ZFAT: variants seen among roughly 807,000 people sequenced by gnomAD.
ZFAT encodes the protein zinc finger protein ZFAT.
Under a neutral mutation model 117.7 loss-of-function variants are expected in ZFAT, and 64 were observed. The ratio of observed to expected loss-of-function variants is 0.54; its 90% CI spans 0.44 to 0.67. The LOEUF is 0.67. ZFAT is among the 30% of genes least tolerant of loss of function. The probability of loss-of-function intolerance (pLI) is 0.00; values close to 1 mark genes in which losing one functional copy is unlikely to be tolerated. For synonymous variants in ZFAT, 679 were observed against 615.0 expected (o/e 1.10, Z -1.54); for missense variants, 1,433 against 1,584.5 (o/e 0.90, Z 1.62).
At chr8:134,676,657 C>T (rs1340358076) in intron 1 of ZFAT, among the ~76,000 whole-genome samples, 1 of 152,184 alleles carries the variant, frequency 6.6e-6, no homozygotes, top group Non-Finnish European at 1.5e-5. Context: ...TTCTCAGCAC[C>T]ACATTACACT....
At chr8:134,755,817 CAAAAAAAAAA>C in the ZFAT span, among the ~76,000 whole-genome samples, 50 of 90,006 alleles carry the variant, frequency 5.6e-4, no homozygotes, top group African/African-American at 1.9e-3. Context: ...GACTCCATCT[CAAAAAAAAAA>C]AAAAAAAAAG....
chr8:134,601,461 C>T lies in ZFAT; in HGVS notation c.2242+16G>A, dbSNP rs566840505. ...GGTTGTGGACAGGGCCACGCACCGGCGCTGCCTTTCCTTACCACAGTATTC... is the reference window on the plus strand; with the variant it reads ...GGTTGTGGACAGGGCCACGCACCGGTGCTGCCTTTCCTTACCACAGTATTC... On this transcript the variant is annotated intron_variant, in intron 6 of 15. Transcript: ENST00000377838. 26 of 1,588,360 alleles carry T rather than the reference C, an allele frequency of 1.6e-5. No individual in the cohort carries two copies. The South Asian group carries it at 1.7e-4, about 10-fold the overall frequency.
At chr8:134,622,538 G>C (rs888070261) in intron 3 of ZFAT, among the ~76,000 whole-genome samples, 6 of 152,124 alleles carry the variant, frequency 3.9e-5, no homozygotes, top group Admixed American at 1.3e-4. Flanking sequence ...TTAAGGAACA[G>C]AGACCCGAGC....
intron 3 of ZFAT, among the ~76,000 whole-genome samples, chr8:134,634,026 A>C (rs552693256): frequency 6.6e-6 from 1 of 152,068 alleles, no homozygotes; most frequent in East Asian, 1.9e-4. Context: ...AGCCTAGGCA[A>C]CAAGAGCAAA....
chr8:134,483,616 T>A (rs551141191), intron 15 of ZFAT, among the ~76,000 whole-genome samples: 6 of 152,326 alleles, frequency 3.9e-5, no homozygotes, highest in Admixed American at 1.3e-4. Context: ...AGATGAGTAC[T>A]CCATTTTCCC....
intron 11 of ZFAT, among the ~76,000 whole-genome samples, chr8:134,534,931 C>T (rs758711568): frequency 1.8e-4 from 28 of 152,202 alleles, no homozygotes; most frequent in Middle Eastern, 3.2e-3. Context: ...CATGCTGTCA[C>T]CTCTCTTTCT....
chr8:134,795,782 T>A, the ZFAT span: 1 of 152,216 alleles, frequency 6.6e-6, no homozygotes, highest in Admixed American at 6.5e-5. Flanking sequence ...GCAACTGTGT[T>A]CCTCTTTAAG....
intron 1 of ZFAT, among the ~76,000 whole-genome samples, chr8:134,688,380 C>T (rs957009830): frequency 2.0e-5 from 3 of 152,162 alleles, no homozygotes; most frequent in Non-Finnish European, 4.4e-5. Context: ...CACACATGCG[C>T]ACACAAACAT....
chr8:134,775,080 C>G, the ZFAT span, among the ~76,000 whole-genome samples: 2 of 152,042 alleles, frequency 1.3e-5, no homozygotes, highest in Non-Finnish European at 2.9e-5. Context: ...ATCGTGCCAC[C>G]GCACTCCAGC....
intron 1 of ZFAT, among the ~76,000 whole-genome samples, chr8:134,680,348 A>G (rs1480696737): frequency 1.3e-5 from 2 of 152,042 alleles, no homozygotes; most frequent in Non-Finnish European, 2.9e-5. Context: ...GTTTGGCTAG[A>G]GCATAATAAT....
chr8:134,503,962 C>T (rs956351931), intron 15 of ZFAT, among the ~76,000 whole-genome samples: 1 of 145,858 alleles, frequency 6.9e-6, no homozygotes, highest in Non-Finnish European at 1.5e-5. Flanking sequence ...ACACACACCC[C>T]TATGAGTTCT....
intron 3 of ZFAT, among the ~76,000 whole-genome samples, chr8:134,615,272 C>G (rs963455215): frequency 6.6e-6 from 1 of 152,164 alleles, no homozygotes; most frequent in African/African-American, 2.4e-5. Context: ...CTGCAACCTC[C>G]ACCTCCGGAG....
rs1204204392 is a variant in ZFAT, at chr8:134,685,154, C to A, written c.20-27417G>T. On this transcript the variant is annotated intron_variant, in intron 1 of 15. Transcript: ENST00000377838. ...GAAACAGCCCAGTACATGGTGTCATCCCCATCACCACCACCACCGTCACCA... is the reference window on the plus strand; with the variant it reads ...GAAACAGCCCAGTACATGGTGTCATACCCATCACCACCACCACCGTCACCA... 2.0e-5 allele frequency among the ~76,000 whole-genome samples: 3 copies of A among 152,142 alleles called. No homozygotes were observed. The East Asian group carries it at 5.8e-4, about 29-fold the overall frequency.
At chr8:134,677,768 A>C (rs1832875392) in intron 1 of ZFAT, among the ~76,000 whole-genome samples, 3 of 152,238 alleles carry the variant, frequency 2.0e-5, no homozygotes, top group Admixed American at 2.0e-4. Flanking sequence ...AGTTGGCCTC[A>C]TCCCTGGGAT....
chr8:134,645,927 G>A (rs896499434), intron 2 of ZFAT, among the ~76,000 whole-genome samples: 2 of 152,150 alleles, frequency 1.3e-5, no homozygotes, highest in South Asian at 2.1e-4. Flanking sequence ...ACTGAGCCAG[G>A]CGCAGTGGCT....
chr8:134,693,750 C>G (rs1833696645), intron 1 of ZFAT, among the ~76,000 whole-genome samples: 1 of 152,166 alleles, frequency 6.6e-6, no homozygotes, highest in African/African-American at 2.4e-5. Flanking sequence ...GCTGAAACTA[C>G]TGAATGAAGA....
At chr8:134,747,672 T>A in the ZFAT span, among the ~76,000 whole-genome samples, 2 of 152,206 alleles carry the variant, frequency 1.3e-5, no homozygotes, top group Non-Finnish European at 2.9e-5. Flanking sequence ...TTTAGGTAAA[T>A]CATGGCCTTC....
At chr8:134,723,997 G>A in the ZFAT span, 8 of 152,300 alleles carry the variant, frequency 5.3e-5, no homozygotes, top group African/African-American at 9.6e-5. Flanking sequence ...AGCTATCTAC[G>A]TGGACAAAAA....
rs370956439 is a variant in ZFAT at position 134,601,499 on chromosome 8, T to C, written c.2220A>G (p.Gly740=). ...TACCACAGTATTCACACTCCAGGTCTCCATAAACCTTCCGGATCCGCTCAC... is the reference window on the plus strand; with the variant it reads ...TACCACAGTATTCACACTCCAGGTCCCCATAAACCTTCCGGATCCGCTCAC... The part of the protein sequence containing the change: ...SLCERIRKVY[G]DLECEYCGKL... Residue 740 remains glycine (G), a synonymous_variant, in exon 6 of 16, where the codon GGA becomes GGG. Coordinates refer to ENST00000377838, the MANE Select transcript of ZFAT (RefSeq NM_020863.4). 4 of 1,612,906 alleles carry C rather than the reference T, an allele frequency of 2.5e-6. No homozygotes were observed. The highest frequency in any genetic ancestry group is 3.4e-6 in the Non-Finnish European group (4 of 1,179,150).
Sources: allele counts gnomAD v4.1 joint callset (sites outside exome capture counted in the v4.1 genomes callset), GRCh38; gene constraint gnomAD v4.1.1; transcripts MANE v1.5; gene names NCBI Gene and HGNC (gene_info 2026-07-23, HGNC 2026-07-21).